MOCS1: variants seen among roughly 807,000 people sequenced by gnomAD.
MOCS1 encodes molybdenum cofactor biosynthesis protein 1.
In MOCS1, 39 loss-of-function variants were observed where a neutral mutation model predicts 57.6. That is an observed-to-expected ratio of 0.68 (90% CI 0.52 to 0.88). The LOEUF (loss-of-function observed/expected upper bound fraction) is 0.88. MOCS1 is among the 40% of genes least tolerant of loss of function. MOCS1 has a pLI of 0.00. For missense variants in MOCS1, 795 were observed against 831.1 expected (o/e 0.96, Z 0.53); for synonymous variants, 334 against 335.7 (o/e 1.00, Z 0.05).
intron 3 of MOCS1, among the ~76,000 whole-genome samples, chr6:39,918,259 G>A (rs1767773461): frequency 6.6e-6 from 1 of 152,188 alleles, no homozygotes; most frequent in Admixed American, 6.5e-5. Context: ...TGAAGACCCA[G>A]CTCAGCGCTG....
rs370863199 is a variant in MOCS1 at position 39,904,486 on chromosome 6, A to ATAAGT, written c.*1866_*1870dup. On this transcript the variant is annotated 3_prime_UTR_variant, in exon 11 of 11. Coordinates refer to ENST00000340692, the MANE Select transcript of MOCS1 (RefSeq NM_001358530.2). Reference sequence around the variant, plus strand: ...TCCCCACTGCTCCTGCCACCTTTAGATAAGTTTCTCTAGCTAATTTTGTGG... The same window carrying ATAAGT: ...TCCCCACTGCTCCTGCCACCTTTAGATAAGTTAAGTTTCTCTAGCTAATTTTGTGG... 180 of 454,486 alleles carry ATAAGT rather than the reference A, an allele frequency of 4.0e-4. 2 individuals are homozygous for ATAAGT. Among genetic ancestry groups the ATAAGT allele is most frequent in the African/African-American group, 3.1e-3 (157 of 50,138 alleles). The allele number at this position is 454,486 out of a possible 1,614,324, so 28.2% of individuals were successfully genotyped here.
At chr6:39,933,309 C>G (rs1768735019) in intron 1 of MOCS1, among the ~76,000 whole-genome samples, 1 of 152,130 alleles carries the variant, frequency 6.6e-6, no homozygotes, top group Non-Finnish European at 1.5e-5. Flanking sequence ...CTTTGCTTTC[C>G]TATCTCTTCC....
Position 39,919,412 on chromosome 6 carries a change from C to T in MOCS1, c.419-3180G>A, listed in dbSNP as rs1034851436. On this transcript the variant is annotated intron_variant, in intron 3 of 10. Coordinates refer to ENST00000340692, the MANE Select transcript of MOCS1 (RefSeq NM_001358530.2). ...CCAAAGCAGGAGAATCGCTTGAACCCGGGAGGCAAAGGTGGCAGTGAGCCG... is the reference window on the plus strand; with the variant it reads ...CCAAAGCAGGAGAATCGCTTGAACCTGGGAGGCAAAGGTGGCAGTGAGCCG... Among the ~76,000 whole-genome samples the T allele has an allele frequency of 7.9e-5, 12 of 151,882 alleles. 1 individual carries two copies. The East Asian group carries it at 1.7e-3, about 22-fold the overall frequency.
At chr6:39,916,864 C>A (rs935456953) in intron 3 of MOCS1, among the ~76,000 whole-genome samples, 1 of 152,312 alleles carries the variant, frequency 6.6e-6, no homozygotes, top group East Asian at 1.9e-4. Context: ...GCTCAAAGTG[C>A]ACCCAGGAGA....
At position 39,906,984 on chromosome 6, in the gene MOCS1, C is replaced by G. The variant is rs754412068; in HGVS notation, c.1284G>C (p.Arg428Ser). 6.2e-7 allele frequency: 1 copy of G among 1,614,012 alleles called. No homozygotes were observed. The highest frequency in any genetic ancestry group is 8.5e-7 in the Non-Finnish European group (1 of 1,179,990). Residue 428 changes from arginine to serine, a missense_variant, in exon 11 of 11, where the codon AGG (arginine) becomes AGC (serine). Physicochemically the swap from Arg to Ser is moderately radical, Grantham distance 110 (BLOSUM62 -1). Transcript: ENST00000340692. ...SQVATLWKGC[R>S]VPQTPPLAQQ... ...GGGCTAGAGGAGGGGTCTGGGGGAC[C>G]CTGCATCCTTTCCATAAAGTGGCCA...
chr6:39,929,347 T>A (rs1456926478), intron 1 of MOCS1, among the ~76,000 whole-genome samples: 1 of 152,116 alleles, frequency 6.6e-6, no homozygotes, highest in Non-Finnish European at 1.5e-5. Context: ...GAGCACTCCA[T>A]AATCAAGAAT....
chr6:39,915,849 G>T (rs962981582), intron 4 of MOCS1, among the ~76,000 whole-genome samples: 4 of 152,176 alleles, frequency 2.6e-5, no homozygotes, highest in African/African-American at 7.2e-5. Flanking sequence ...TGGGGCTGGG[G>T]TGGTGGGGAG....
chr6:39,926,141 C>A (rs1768282375), intron 2 of MOCS1, among the ~76,000 whole-genome samples: 1 of 152,198 alleles, frequency 6.6e-6, no homozygotes, highest in Non-Finnish European at 1.5e-5. Flanking sequence ...AGGCTGAGGG[C>A]AGAGCCTGGC....
chr6:39,920,129 A>C (rs148964281), intron 3 of MOCS1, among the ~76,000 whole-genome samples: 8 of 152,350 alleles, frequency 5.3e-5, no homozygotes, highest in Non-Finnish European at 1.0e-4. Context: ...ACCAGGAATT[A>C]CACAGTAAAA....
chr6:39,914,113 T>C (rs997724077), intron 4 of MOCS1, among the ~76,000 whole-genome samples: 1 of 152,266 alleles, frequency 6.6e-6, no homozygotes, highest in Non-Finnish European at 1.5e-5. Context: ...AATGCGATTC[T>C]TTTTGCAGGG....
chr6:39,929,525 G>A (rs77724773), intron 1 of MOCS1, among the ~76,000 whole-genome samples: 1 of 152,078 alleles, frequency 6.6e-6, no homozygotes, highest in African/African-American at 2.4e-5. Flanking sequence ...TTGACATGAT[G>A]GGGGGATGGG....
chr6:39,915,573 T>G (rs1767608987), intron 4 of MOCS1, among the ~76,000 whole-genome samples: 1 of 152,120 alleles, frequency 6.6e-6, no homozygotes, highest in African/African-American at 2.4e-5. Flanking sequence ...GTGGAGGGTA[T>G]GGCTGTGCCT....
At chr6:39,929,711 AG>A (rs1305586005) in intron 1 of MOCS1, among the ~76,000 whole-genome samples, 2 of 151,954 alleles carry the variant, frequency 1.3e-5, no homozygotes, top group East Asian at 3.9e-4. Flanking sequence ...GAGGCCGAGG[AG>A]GGCAGATCAT....
At position 39,904,616 on chromosome 6, in the gene MOCS1, C is replaced by T; in HGVS notation, c.*1741G>A. ...TAGGGCAGTGGGAGGAGAAAATTCTCCAGGTGAATGGGGAAGGGTCTGTTC... is the reference window on the plus strand; with the variant it reads ...TAGGGCAGTGGGAGGAGAAAATTCTTCAGGTGAATGGGGAAGGGTCTGTTC... On this transcript the variant is annotated 3_prime_UTR_variant, in exon 11 of 11. Transcript: ENST00000340692. 2.2e-6 allele frequency: 1 copy of T among 454,170 alleles called. No homozygotes were observed. Among genetic ancestry groups the T allele is most frequent in the South Asian group, 1.6e-5 (1 of 64,474 alleles). The allele number at this position is 454,170 out of a possible 1,614,324, so 28.1% of individuals were successfully genotyped here. A position where few individuals can be genotyped will look rare whatever the true frequency, so the allele number is the denominator to read the frequency against.
intron 3 of MOCS1, among the ~76,000 whole-genome samples, chr6:39,922,777 C>T (rs1355606309): frequency 6.6e-6 from 1 of 152,162 alleles, no homozygotes; most frequent in Non-Finnish European, 1.5e-5. Flanking sequence ...GTGAACGGGA[C>T]CTCAGGCTCG....
At chr6:39,914,192 G>A (rs1464556051) in intron 4 of MOCS1, among the ~76,000 whole-genome samples, 1 of 152,208 alleles carries the variant, frequency 6.6e-6, no homozygotes, top group Non-Finnish European at 1.5e-5. Flanking sequence ...AATGCTATCT[G>A]TAAAATGCAT....
At position 39,905,057 on chromosome 6, in the gene MOCS1, T is replaced by C. The variant is rs140666437; in HGVS notation, c.*1300A>G. Reference sequence around the variant, plus strand: ...GAGTATTTATATCACAAATTGTCTTTTCCAGAGAGCTGGTTGTTTAATATT... The same window carrying C: ...GAGTATTTATATCACAAATTGTCTTCTCCAGAGAGCTGGTTGTTTAATATT... On this transcript the variant is annotated 3_prime_UTR_variant, in exon 11 of 11. Transcript: ENST00000340692. 344 of 454,230 alleles carry C rather than the reference T, an allele frequency of 7.6e-4. 2 individuals are homozygous for C. Among genetic ancestry groups the C allele is most frequent in the African/African-American group, 6.3e-3 (318 of 50,136 alleles). 28.1% of individuals were successfully genotyped at this position (454,230 alleles called of 1,614,324 possible).
Position 39,914,457 on chromosome 6 carries a change from C to T in MOCS1, c.584-622G>A, listed in dbSNP as rs933249993. 6.4e-4 allele frequency among the ~76,000 whole-genome samples: 98 copies of T among 152,224 alleles called. 1 individual carries two copies. Among genetic ancestry groups the T allele is most frequent in the Non-Finnish European group, 1.5e-4 (10 of 68,046 alleles). The stretch of plus-strand genomic sequence containing the variant: ...ACACATACTCTCTGAGCACCTACTA[C>T]GCACAGGTGCTGTTCCAGGGCTGGT... On this transcript the variant is annotated intron_variant, in intron 4 of 10. Transcript: ENST00000340692.
At chr6:39,908,510 G>C (rs980471520) in intron 10 of MOCS1, among the ~76,000 whole-genome samples, 1 of 152,182 alleles carries the variant, frequency 6.6e-6, no homozygotes, top group African/African-American at 2.4e-5. Flanking sequence ...ATGTTCCTGA[G>C]AGTTAAGGAA....
Sources: gnomAD v4.1 joint callset for allele counts (sites outside exome capture counted in the v4.1 genomes callset) on GRCh38, gnomAD v4.1.1 for gene constraint, MANE v1.5 for transcripts, NCBI Gene and HGNC (gene_info 2026-07-23, HGNC 2026-07-21) for gene names.